The following LRRIQ1 variants were observed in gnomAD, a reference collection of about 807,000 sequenced individuals.
LRRIQ1 encodes the protein leucine rich repeats and IQ motif containing 1, also known as leucine-rich repeat- and IQ domain-containing protein 1.
LRRIQ1 carries 210 observed loss-of-function variants against 211.9 expected under a neutral mutation model. The ratio of observed to expected loss-of-function variants is 0.99; its 90% confidence interval spans 0.89 to 1.11. LRRIQ1 has a LOEUF of 1.11. Among genes scored for constraint, LRRIQ1 ranks in the 50% most tolerant of loss-of-function variants. The pLI is 0.00. For missense variants in LRRIQ1, 2,136 were observed against 1,939.5 expected (o/e 1.10, Z -1.90); for synonymous variants, 699 against 650.1 (o/e 1.08, Z -1.14).
intron 26 of LRRIQ1, among the ~76,000 whole-genome samples, chr12:85,239,734 G>GT (rs60993460): frequency 0.2 from 30,421 of 151,902 alleles, 7,620 homozygotes; most frequent in African/African-American, 0.59. Flanking sequence ...TTTCAGCACT[G>GT]TGGGAGGCCC....
intron 13 of LRRIQ1, among the ~76,000 whole-genome samples, chr12:85,100,507 T>G (rs1427792836): frequency 6.6e-6 from 1 of 151,724 alleles, no homozygotes; most frequent in Non-Finnish European, 1.5e-5. Flanking sequence ...GGTTTGCTAT[T>G]TGGGGGATAA....
At chr12:85,106,661 G>A in intron 15 of LRRIQ1, 46 bp downstream of exon 15, 1 of 1,296,042 alleles carries the variant, frequency 7.7e-7, no homozygotes, top group East Asian at 2.4e-5. Context: ...TATTATAGTT[G>A]CAGAAAAAAG....
chr12:85,098,449 A>T lies in LRRIQ1; in HGVS notation c.2982A>T (p.Val994=), dbSNP rs768868972. The T allele has an allele frequency of 6.2e-7, 1 of 1,611,456 alleles. No individual in the cohort carries two copies. The highest frequency in any genetic ancestry group is 8.5e-7 in the Non-Finnish European group (1 of 1,178,418). ...GTCTTTGTGATACACCTACCATTGT[A>T]TACCTAGATTGCTCCCATAATCATC... ...TKGLCDTPTI[V]YLDCSHNHLT... The change falls in exon 12 of 27, where the codon GTA becomes GTT. Residue 994 remains valine (V), a synonymous_variant. Transcript: ENST00000393217.
At position 85,101,647 on chromosome 12, in the gene LRRIQ1, G is replaced by T. The variant is rs543827652; in HGVS notation, c.3210-2357G>T. On this transcript the variant is annotated intron_variant, in intron 13 of 26. Coordinates refer to ENST00000393217, the MANE Select transcript of LRRIQ1 (RefSeq NM_001079910.2). ...AAGTTCTAGAGGTTTTTTAAAAAAG[G>T]ATTATACTATTAAGTTTCTACCATC... Among the ~76,000 whole-genome samples the T allele has an allele frequency of 1.4e-4, 21 of 151,830 alleles. No individual in the cohort carries two copies. The East Asian group carries it at 2.9e-3, about 21-fold the overall frequency.
At chr12:85,091,326 C>A (rs190917902) in intron 11 of LRRIQ1, among the ~76,000 whole-genome samples, 1 of 151,972 alleles carries the variant, frequency 6.6e-6, no homozygotes, top group Non-Finnish European at 1.5e-5. Flanking sequence ...ATGTCCTTTG[C>A]GCGTGTTTTA....
downstream of LRRIQ1, among the ~76,000 whole-genome samples, chr12:85,247,044 T>C (rs1187661402): frequency 6.6e-6 from 1 of 151,594 alleles, no homozygotes; most frequent in Non-Finnish European, 1.5e-5. Context: ...TAATAAGTGT[T>C]CTTTATAATC....
the LRRIQ1 span, among the ~76,000 whole-genome samples, chr12:85,269,834 A>AGAC: frequency 6.6e-6 from 1 of 152,068 alleles, no homozygotes; most frequent in Non-Finnish European, 1.5e-5. Context: ...AGAATACCAT[A>AGAC]GACTTGATGG....
intron 17 of LRRIQ1, among the ~76,000 whole-genome samples, chr12:85,126,505 T>C (rs991060483): frequency 6.6e-6 from 1 of 152,174 alleles, no homozygotes; most frequent in Non-Finnish European, 1.5e-5. Flanking sequence ...AATGAATGGA[T>C]GATTGAATGA....
intron 19 of LRRIQ1, among the ~76,000 whole-genome samples, chr12:85,138,820 C>CT (rs939313164): frequency 8.6e-5 from 13 of 151,624 alleles, no homozygotes; most frequent in Admixed American, 7.3e-4. Flanking sequence ...TTTCTTTCAT[C>CT]TACCTATATG....
intron 24 of LRRIQ1, among the ~76,000 whole-genome samples, chr12:85,182,335 A>G (rs1892019009): frequency 6.6e-6 from 1 of 152,170 alleles, no homozygotes; most frequent in South Asian, 2.1e-4. Context: ...AGAAATAGAA[A>G]CATGACAGAG....
At chr12:85,238,775 G>A (rs1445870095) in intron 26 of LRRIQ1, among the ~76,000 whole-genome samples, 1 of 152,004 alleles carries the variant, frequency 6.6e-6, no homozygotes, top group East Asian at 1.9e-4. Context: ...AAGGCCCAAT[G>A]TTTTGTATCT....
At chr12:85,115,908 G>A (rs7135053) in intron 15 of LRRIQ1, among the ~76,000 whole-genome samples, 41,980 of 151,856 alleles carry the variant, frequency 0.28, 5,944 homozygotes, top group Admixed American at 0.33. Context: ...AGATTATTGT[G>A]TTAAAGTAGC....
intron 4 of LRRIQ1, 34 bp downstream of exon 4, chr12:85,044,843 TATTACA>T (rs1565781472): frequency 1.0e-6 from 1 of 977,752 alleles, no homozygotes; most frequent in Non-Finnish European, 1.5e-6. Context: ...AAATATTCAC[TATTACA>T]ATTAGAAATT....
rs778209499 is a variant in LRRIQ1, at chr12:85,121,792, T to C, written c.3473T>C (p.Leu1158Pro). The change falls in exon 16 of 27, where the codon CTG becomes CCG. Residue 1158 changes from leucine to proline, a missense_variant. Coordinates refer to ENST00000393217, the MANE Select transcript of LRRIQ1 (RefSeq NM_001079910.2). ...AGCCGCACTGAAGAACACAATCAAC[T>C]GGGATCAGCAGGTTTCCTGGCACTT... is the stretch of plus-strand genomic sequence containing the variant. ...SESRTEEHNQ[L>P]GSAGFLALCQ... The C allele has an allele frequency of 2.5e-6, 4 of 1,608,318 alleles. No individual in the cohort carries two copies. The African/African-American group carries it at 5.4e-5, about 22-fold the overall frequency.
intron 11 of LRRIQ1, chr12:85,076,712 G>A (rs183506054): frequency 6.0e-4 from 114 of 190,434 alleles, no homozygotes; most frequent in Non-Finnish European, 9.5e-4. Flanking sequence ...ATCATTGGGA[G>A]GAAAAATAAA....
At chr12:85,265,047 T>C (rs1043111007), downstream of LRRIQ1, among the ~76,000 whole-genome samples, 1 of 152,072 alleles carries the variant, frequency 6.6e-6, no homozygotes, top group African/African-American at 2.4e-5. Flanking sequence ...CGTTGGTTTA[T>C]GGAGATAGCC....
intron 10 of LRRIQ1, among the ~76,000 whole-genome samples, chr12:85,068,261 A>G (rs1882659057): frequency 6.6e-6 from 1 of 151,948 alleles, no homozygotes; most frequent in Non-Finnish European, 1.5e-5. Flanking sequence ...ATCATTGGAA[A>G]GTTTAATCTA....
chr12:85,152,755 A>T (rs1010807849), intron 20 of LRRIQ1, among the ~76,000 whole-genome samples: 1 of 151,642 alleles, frequency 6.6e-6, no homozygotes, highest in African/African-American at 2.4e-5. Context: ...TATTTATTTG[A>T]TAATCTTTGA....
At chr12:85,138,000 G>A in intron 19 of LRRIQ1, 31 bp downstream of exon 19, 3 of 1,208,616 alleles carry the variant, frequency 2.5e-6, no homozygotes, top group South Asian at 2.9e-5. Flanking sequence ...ATAAATATTG[G>A]TCTTAAAATA....
Sources: gnomAD v4.1 joint callset for allele counts (sites outside exome capture counted in the v4.1 genomes callset) on GRCh38, gnomAD v4.1.1 for gene constraint, MANE v1.5 for transcripts, NCBI Gene and HGNC (gene_info 2026-07-23, HGNC 2026-07-21) for gene names.